ANKLE2: variants seen among roughly 807,000 people sequenced by gnomAD.
The protein encoded by ANKLE2 is ankyrin repeat and LEM domain containing 2.
A neutral mutation model predicts 84.2 loss-of-function variants in ANKLE2; 55 were observed. The observed-to-expected ratio is 0.65, with a 90% CI of 0.53 to 0.82. The LOEUF is 0.82. Ranked by LOEUF, ANKLE2 falls within the 40% of genes least tolerant of loss-of-function variation. ANKLE2 has a pLI of 0.00. For synonymous variants in ANKLE2, 551 were observed against 486.1 expected (o/e 1.13, Z -1.76); for missense variants, 1,238 against 1,201.9 (o/e 1.03, Z -0.44).
At position 132,729,910 on chromosome 12, in the gene ANKLE2, G is replaced by A. The variant is rs781726198; in HGVS notation, c.2252C>T (p.Thr751Ile). Reference sequence around the variant, plus strand: ...TTTAGTTTTTGTACTTTCATCTGGTGTCTTGGAAACGCTACGTCCTATATT... The same window carrying A: ...TTTAGTTTTTGTACTTTCATCTGGTATCTTGGAAACGCTACGTCCTATATT... ...LQNIGRSVSK[T>I]PDESTKTKDQ... The change falls in exon 11 of 13, where the codon ACA (threonine) becomes ATA (isoleucine). Residue 751 changes from threonine to isoleucine, a missense_variant. Physicochemically the swap from Thr to Ile is moderately conservative, Grantham distance 89. Coordinates refer to ENST00000357997, the MANE Select transcript of ANKLE2 (RefSeq NM_015114.3). 30 of 1,613,588 alleles carry A rather than the reference G, an allele frequency of 1.9e-5. No individual in the cohort carries two copies. Among genetic ancestry groups the A allele is most frequent in the African/African-American group, 2.7e-5 (2 of 74,878 alleles).
chr12:132,748,598 G>T (rs3924364), intron 3 of ANKLE2, among the ~76,000 whole-genome samples: 15 of 151,920 alleles, frequency 9.9e-5, no homozygotes, highest in Non-Finnish European at 2.1e-4. Context: ...AGCCTACAAC[G>T]GCAGCCAGCG....
intron 1 of ANKLE2, chr12:132,757,614 A>C (rs1310241510): frequency 6.6e-6 from 1 of 152,114 alleles, no homozygotes; most frequent in African/African-American, 2.4e-5. Context: ...TGAGGTCAGG[A>C]GATTGAGACT....
In ANKLE2 at chr12:132,750,653, G is replaced by A; in HGVS notation, c.837C>T (p.Asp279=). 6.2e-7 allele frequency: 1 copy of A among 1,614,168 alleles called. No homozygotes were observed. The highest frequency in any genetic ancestry group is 8.5e-7 in the Non-Finnish European group (1 of 1,180,014). ...PVKTAPLFSN[D]RLKDGLCLSE... is the part of the protein sequence containing the mutation. The stretch of plus-strand genomic sequence containing the variant: ...GGCTGCATGATTTACCTTTCAACCT[G>A]TCATTGCTAAAGAGTGGAGCTGTTT... Residue 279 remains aspartate, a synonymous_variant, in exon 3 of 13, where the codon GAC becomes GAT. Coordinates refer to ENST00000357997, the MANE Select transcript of ANKLE2 (RefSeq NM_015114.3).
At chr12:132,761,530 G>T in intron 1 of ANKLE2, 88 bp downstream of exon 1, 1 of 1,092,784 alleles carries the variant, frequency 9.2e-7, no homozygotes, top group Non-Finnish European at 1.1e-6. Context: ...CCGGCTCCAG[G>T]GGCGCGGCCG....
At chr12:132,749,891 A>G (rs1017610153) in intron 3 of ANKLE2, among the ~76,000 whole-genome samples, 2 of 152,146 alleles carry the variant, frequency 1.3e-5, no homozygotes, top group Non-Finnish European at 2.9e-5. Context: ...GGATCCAAAA[A>G]GGCGCAGGGG....
intron 5 of ANKLE2, 115 bp downstream of exon 5, chr12:132,747,717 T>C: frequency 7.5e-7 from 1 of 1,328,160 alleles, no homozygotes; most frequent in East Asian, 2.5e-5. Flanking sequence ...GTAATTGATG[T>C]ATCTTTTCCC....
intron 10 of ANKLE2, 23 bp downstream of exon 10, chr12:132,734,362 C>T: frequency 1.9e-6 from 3 of 1,608,278 alleles, no homozygotes; most frequent in Non-Finnish European, 2.5e-6. Context: ...CCAGCTGCCA[C>T]AGCCACGCCT....
chr12:132,748,848 C>T (rs533778576), intron 3 of ANKLE2: 1 of 148,362 alleles, frequency 6.7e-6, no homozygotes, highest in East Asian at 1.9e-4. Context: ...GCCAACACGC[C>T]TGGCTTATAT....
At chr12:132,731,330 G>A (rs1302443263) in intron 10 of ANKLE2, 1 of 152,228 alleles carries the variant, frequency 6.6e-6, no homozygotes, top group Non-Finnish European at 1.5e-5. Flanking sequence ...TATAACGACG[G>A]CACTGACGTC....
intron 10 of ANKLE2, chr12:132,732,225 A>G (rs2043871748): frequency 1.0e-5 from 1 of 98,076 alleles, no homozygotes; most frequent in Non-Finnish European, 2.1e-5. Context: ...GCACCGTGTG[A>G]AGTGCTCTGC....
Position 132,750,635 on chromosome 12 carries a change from T to G in ANKLE2, c.847+8A>C. The G allele has an allele frequency of 6.2e-7, 1 of 1,613,772 alleles. No individual in the cohort carries two copies. The highest frequency in any genetic ancestry group is 1.1e-5 in the South Asian group (1 of 90,850). ...GAACATCAAGATGTGAACGGCTGCA[T>G]GATTTACCTTTCAACCTGTCATTGC... is the stretch of plus-strand genomic sequence containing the variant. On this transcript the variant is annotated splice_region_variant and intron_variant, in intron 3 of 12. Transcript: ENST00000357997.
intron 6 of ANKLE2, 42 bp from the exon 7 acceptor site, chr12:132,741,527 A>C: frequency 6.4e-7 from 1 of 1,559,740 alleles, no homozygotes; most frequent in Non-Finnish European, 8.8e-7. Context: ...TTTGATCGCA[A>C]CATTTCCTTA....
chr12:132,750,486 C>T (rs781241926), intron 3 of ANKLE2, among the ~76,000 whole-genome samples, 157 bp downstream of exon 3: 1 of 152,142 alleles, frequency 6.6e-6, no homozygotes, highest in Non-Finnish European at 1.5e-5. Flanking sequence ...GCTAATTACA[C>T]GAGCATCAGA....
chr12:132,759,720 T>G (rs1352658935), intron 1 of ANKLE2: 2 of 139,962 alleles, frequency 1.4e-5, no homozygotes, highest in African/African-American at 6.7e-5. Flanking sequence ...GTAACAGCAC[T>G]CAGAGGTGCT....
rs1328173218 is a variant in ANKLE2 at position 132,732,874 on chromosome 12, C to T, written c.1891+1511G>A. Among the ~76,000 whole-genome samples, 3 of 141,608 alleles carry T rather than the reference C, an allele frequency of 2.1e-5. 1 individual carries two copies. In the South Asian group the frequency reaches 6.8e-4, roughly 32 times the overall value. 92.9% of individuals were successfully genotyped at this position (141,608 alleles called of 152,430 possible). A position where few individuals can be genotyped will look rare whatever the true frequency, so the allele number is the denominator to read the frequency against. ...TCTGATATGCACCGTGTGAAGCGCT[C>T]TGCATCCTGGTGTCTGAAATGCACC... On this transcript the variant is annotated intron_variant, in intron 10 of 12. Transcript: ENST00000357997.
rs1313201296 is a variant in ANKLE2, at chr12:132,743,553, T to C, written c.1231-277A>G. ...TAGTAGAGATGGGGTTTCACCATAT[T>C]GGTGAGACTGGTCTCGAACTCCTGA... On this transcript the variant is annotated intron_variant, in intron 5 of 12. Coordinates refer to ENST00000357997, the MANE Select transcript of ANKLE2 (RefSeq NM_015114.3). This position sits in a 1 kb window ranked among gnomAD's most constrained non-coding sequence, Gnocchi z 4.1. 4.0e-5 allele frequency among the ~76,000 whole-genome samples: 6 copies of C among 151,576 alleles called. No individual in the cohort carries two copies. Among genetic ancestry groups the C allele is most frequent in the Non-Finnish European group, 8.8e-5 (6 of 67,838 alleles).
At chr12:132,751,529 C>A in intron 2 of ANKLE2, among the ~76,000 whole-genome samples, 1 of 151,832 alleles carries the variant, frequency 6.6e-6, no homozygotes, top group East Asian at 1.9e-4. Context: ...GTGTCAGCCA[C>A]GGCGCCCAGC....
rs7136759 is a variant in ANKLE2 at position 132,741,514 on chromosome 12, T to C, written c.1354-29A>G. 1.8e-3 allele frequency: 2,813 copies of C among 1,600,328 alleles called. 20 individuals are homozygous for C. In the African/African-American group the frequency reaches 0.033, roughly 19 times the overall value. ...TTGGAAAAAAAAGTGTGTCTAAATC[T>C]TATTTGATCGCAACATTTCCTTATC... On this transcript the variant is annotated intron_variant, in intron 6 of 12. Coordinates refer to ENST00000357997, the MANE Select transcript of ANKLE2 (RefSeq NM_015114.3).
rs2044026904 is a variant in ANKLE2, at chr12:132,737,062, T to C, written c.1424A>G (p.His475Arg). Residue 475 changes from histidine (H) to arginine (R), a missense_variant, in exon 8 of 13, where the codon CAC becomes CGC. Coordinates refer to ENST00000357997, the MANE Select transcript of ANKLE2 (RefSeq NM_015114.3). ...CGCTCTCAGGAGGGGCACGTAGTAG[T>C]GGCCTGAGGGAGGAGACAGGCACTG... ...KERIREYLKG[H>R]YYVPLLRAEE... is the part of the protein sequence containing the mutation. 2 of 1,593,046 alleles carry C rather than the reference T, an allele frequency of 1.3e-6. No homozygotes were observed. The highest frequency in any genetic ancestry group is 1.7e-6 in the Non-Finnish European group (2 of 1,165,184).
Sources: allele counts gnomAD v4.1 joint callset (sites outside exome capture counted in the v4.1 genomes callset), GRCh38; gene constraint gnomAD v4.1.1; non-coding constraint Gnocchi (gnomAD v3.1); transcripts MANE v1.5; gene names NCBI Gene and HGNC (gene_info 2026-07-23, HGNC 2026-07-21).